TPRG1: variants seen among roughly 807,000 people sequenced by gnomAD.
TPRG1 encodes tumor protein p63-regulated gene 1 protein.
A neutral mutation model predicts 29.3 loss-of-function variants in TPRG1; 29 were observed. The ratio of observed to expected loss-of-function variants is 0.99; its 90% CI spans 0.74 to 1.35. TPRG1 has a LOEUF of 1.35. TPRG1 is among the 40% of genes most tolerant of loss of function. The probability of loss-of-function intolerance (pLI) is 0.00; values close to 1 mark genes in which losing one functional copy is unlikely to be tolerated. For missense variants in TPRG1, 327 were observed against 335.0 expected, an observed-to-expected ratio of 0.98 and a Z score of 0.19; for synonymous variants, 130 against 116.8, an observed-to-expected ratio of 1.11 and a Z score of -0.73.
chr3:189,048,934 G>A (rs141591558), intron 4 of TPRG1, among the ~76,000 whole-genome samples: 4,175 of 152,270 alleles, frequency 0.027, 175 homozygotes, highest in African/African-American at 0.095. Context: ...GCTGAGTCAA[G>A]TTAGAGAGCT....
chr3:189,077,113 A>G (rs1308517609), intron 4 of TPRG1, among the ~76,000 whole-genome samples: 1 of 152,080 alleles, frequency 6.6e-6, no homozygotes, highest in African/African-American at 2.4e-5. Context: ...ACTATGGGAG[A>G]GTGTTCCGCA....
chr3:189,008,224 G>A (rs114864024), intron 3 of TPRG1, among the ~76,000 whole-genome samples: 138 of 152,200 alleles, frequency 9.1e-4, no homozygotes, highest in African/African-American at 3.2e-3. Context: ...CAATGCGAGT[G>A]CCATCGACTT....
At chr3:189,147,067 G>T (rs1351910791) in intron 3 of TPRG1, among the ~76,000 whole-genome samples, 1 of 152,188 alleles carries the variant, frequency 6.6e-6, no homozygotes, top group African/African-American at 2.4e-5. Context: ...CTCATCCAAG[G>T]TCATAGATTC....
chr3:189,313,880 G>T (rs1476201318), intron 5 of TPRG1, among the ~76,000 whole-genome samples: 1 of 152,138 alleles, frequency 6.6e-6, no homozygotes, highest in Non-Finnish European at 1.5e-5. Context: ...GTATGCAGAA[G>T]GTTCTTAGAT....
At chr3:189,240,154 T>A (rs1316823525) in intron 4 of TPRG1, 2 of 152,188 alleles carry the variant, frequency 1.3e-5, no homozygotes, top group Non-Finnish European at 2.9e-5. Flanking sequence ...AAAAAACTTA[T>A]TTTTGCTTAC....
At chr3:189,091,853 CA>C (rs1718358275) in intron 4 of TPRG1, among the ~76,000 whole-genome samples, 5 of 152,084 alleles carry the variant, frequency 3.3e-5, no homozygotes, top group Admixed American at 3.3e-4. Context: ...TTGTTTCCCA[CA>C]TTTTTTTTCA....
At chr3:189,080,310 A>G (rs1391079446) in intron 4 of TPRG1, among the ~76,000 whole-genome samples, 1 of 152,128 alleles carries the variant, frequency 6.6e-6, no homozygotes, top group Non-Finnish European at 1.5e-5. Context: ...CCACTCCTCA[A>G]CTGGAGGGAC....
intron 4 of TPRG1, among the ~76,000 whole-genome samples, chr3:189,150,267 C>G (rs531419635): frequency 3.3e-4 from 50 of 152,346 alleles, no homozygotes; most frequent in African/African-American, 1.2e-3. Flanking sequence ...ACTGCAACCT[C>G]CACCTCCTGG....
intron 4 of TPRG1, among the ~76,000 whole-genome samples, chr3:189,041,285 C>T (rs1714616663): frequency 6.6e-6 from 1 of 152,186 alleles, no homozygotes; most frequent in Admixed American, 6.5e-5. Context: ...TCCTTAAACT[C>T]ACCTCTAGGT....
chr3:189,139,142 C>T (rs1724180969), intron 3 of TPRG1, among the ~76,000 whole-genome samples: 1 of 152,166 alleles, frequency 6.6e-6, no homozygotes, highest in Non-Finnish European at 1.5e-5. Context: ...CTGATCCTCA[C>T]AAAGGAGGAG....
At chr3:189,208,658 G>C (rs1734785665) in intron 2 of TPRG1, among the ~76,000 whole-genome samples, 1 of 152,180 alleles carries the variant, frequency 6.6e-6, no homozygotes, top group Admixed American at 6.5e-5. Flanking sequence ...GATACTATAT[G>C]TGTGTTTGTG....
intron 4 of TPRG1, among the ~76,000 whole-genome samples, chr3:189,246,971 C>T (rs943340871): frequency 2.6e-5 from 4 of 151,750 alleles, no homozygotes; most frequent in African/African-American, 9.7e-5. Context: ...TTGTATTTAC[C>T]TTGTTTGAGA....
At chr3:189,281,502 T>C (rs984628304) in intron 4 of TPRG1, among the ~76,000 whole-genome samples, 1 of 152,210 alleles carries the variant, frequency 6.6e-6, no homozygotes, top group East Asian at 1.9e-4. Context: ...ATTTATATCC[T>C]GAGCCAATCA....
chr3:189,141,024 G>A lies in TPRG1; in HGVS notation c.-290-6560G>A, dbSNP rs118064946. 2.6e-5 allele frequency among the ~76,000 whole-genome samples: 4 copies of A among 152,284 alleles called. No individual in the cohort carries two copies. The East Asian group carries it at 7.7e-4, about 29-fold the overall frequency. ...CAAAAGTGGACCTATTTGCACACAAGTACATCAAGCTTTATAAAATAGACT... is the reference window on the plus strand; with the variant it reads ...CAAAAGTGGACCTATTTGCACACAAATACATCAAGCTTTATAAAATAGACT... On this transcript the variant is annotated intron_variant, in intron 3 of 6. Coordinates refer to the TPRG1 transcript ENST00000412373.
chr3:189,256,496 A>G (rs1711912683), intron 4 of TPRG1, among the ~76,000 whole-genome samples: 1 of 152,126 alleles, frequency 6.6e-6, no homozygotes, highest in African/African-American at 2.4e-5. Context: ...TTTGGGGTGG[A>G]GAGTTCTGTA....
chr3:189,223,758 A>G (rs1298715689), intron 3 of TPRG1, among the ~76,000 whole-genome samples: 2 of 152,202 alleles, frequency 1.3e-5, no homozygotes, highest in African/African-American at 4.8e-5. Context: ...TAAAATAGGG[A>G]TCTTAAGAGC....
chr3:189,263,114 G>A (rs1369795612), intron 4 of TPRG1, among the ~76,000 whole-genome samples: 2 of 152,246 alleles, frequency 1.3e-5, no homozygotes, highest in Non-Finnish European at 2.9e-5. Context: ...CACTCCTGGG[G>A]AGGCTCTTCC....
intron 4 of TPRG1, among the ~76,000 whole-genome samples, chr3:189,280,141 GT>G (rs1716861174): frequency 1.3e-5 from 2 of 152,212 alleles, no homozygotes; most frequent in South Asian, 4.1e-4. Flanking sequence ...ATCAGCACCT[GT>G]TGTTTAGCCC....
At chr3:189,190,856 T>A (rs1304887012) in intron 1 of TPRG1, 3 of 491,520 alleles carry the variant, frequency 6.1e-6, no homozygotes, top group African/African-American at 4.2e-5. Context: ...ATATTCCTAC[T>A]CCCCTCTTAG....
Sources: gnomAD v4.1 joint callset for allele counts (sites outside exome capture counted in the v4.1 genomes callset) on GRCh38, gnomAD v4.1.1 for gene constraint, MANE v1.5 for transcripts, NCBI Gene and HGNC (gene_info 2026-07-23, HGNC 2026-07-21) for gene names.